DNAH6: variants seen among roughly 807,000 people sequenced by gnomAD.
DNAH6 encodes axonemal beta dynein heavy chain 6.
DNAH6 carries 340 observed loss-of-function variants against 491.4 expected under a neutral mutation model. The observed-to-expected ratio is 0.69, with a 90% CI of 0.63 to 0.76. DNAH6 has a LOEUF of 0.76. DNAH6 is among the 30% of genes least tolerant of loss of function. The pLI is 0.00. For missense variants in DNAH6, 4,443 were observed against 4,972.2 expected (o/e 0.89, Z 3.20); for synonymous variants, 1,603 against 1,686.1 (o/e 0.95, Z 1.21).
chr2:84,788,070 T>A (rs543502526), intron 68 of DNAH6, among the ~76,000 whole-genome samples: 12 of 152,028 alleles, frequency 7.9e-5, no homozygotes, highest in Admixed American at 2.0e-4. Context: ...CCTTAAAACA[T>A]GTTTGAGATG....
upstream of DNAH6, among the ~76,000 whole-genome samples, chr2:84,513,285 G>T (rs6547563): frequency 0.96 from 145,666 of 152,190 alleles, 69,745 homozygotes; most frequent in East Asian, 1. Context: ...ATGGTAACTC[G>T]GGAAATCAGA....
chr2:84,607,394 T>C (rs570697782), intron 21 of DNAH6, among the ~76,000 whole-genome samples: 2 of 152,194 alleles, frequency 1.3e-5, no homozygotes, highest in East Asian at 3.9e-4. Context: ...GCCACATGAA[T>C]TTTTTGGTTT....
intron 33 of DNAH6, among the ~76,000 whole-genome samples, chr2:84,651,832 A>G (rs891777463): frequency 6.6e-6 from 1 of 152,118 alleles, no homozygotes; most frequent in Admixed American, 6.6e-5. Flanking sequence ...CTTTCTGGAG[A>G]AATAAGTTGG....
At chr2:84,508,399 G>A in the DNAH6 span, among the ~76,000 whole-genome samples, 4 of 152,176 alleles carry the variant, frequency 2.6e-5, no homozygotes, top group African/African-American at 9.6e-5. Context: ...TATATCTGTG[G>A]GATTGGTGGT....
At chr2:84,506,394 G>T in the DNAH6 span, among the ~76,000 whole-genome samples, 1 of 152,082 alleles carries the variant, frequency 6.6e-6, no homozygotes, top group African/African-American at 2.4e-5. Context: ...CATATCCTTT[G>T]CCCACTTTTT....
At chr2:84,588,226 A>G (rs935525007) in intron 15 of DNAH6, among the ~76,000 whole-genome samples, 6 of 152,188 alleles carry the variant, frequency 3.9e-5, no homozygotes, top group Non-Finnish European at 8.8e-5. Flanking sequence ...ATGCTGACTA[A>G]GACTTGGACT....
intron 29 of DNAH6, among the ~76,000 whole-genome samples, chr2:84,633,902 A>G (rs1427204788): frequency 5.9e-5 from 9 of 152,272 alleles, no homozygotes; most frequent in African/African-American, 1.4e-4. Flanking sequence ...CACTAGTTCT[A>G]TTACTAAAGA....
At chr2:84,490,798 G>A in the DNAH6 span, among the ~76,000 whole-genome samples, 1 of 152,042 alleles carries the variant, frequency 6.6e-6, no homozygotes, top group Non-Finnish European at 1.5e-5. Context: ...CTAACCTCAA[G>A]TGATCCACCC....
At position 84,682,645 on chromosome 2, in the gene DNAH6, C is replaced by A. The variant is rs117060957; in HGVS notation, c.6916+1117C>A. Reference sequence around the variant, plus strand: ...CACCTTGGCCATGCATACCCCGGCCCCAGAGGAGACTACCATTAGTTGCTC... The same window carrying A: ...CACCTTGGCCATGCATACCCCGGCCACAGAGGAGACTACCATTAGTTGCTC... On this transcript the variant is annotated intron_variant, in intron 42 of 76. Transcript: ENST00000389394. Among the ~76,000 whole-genome samples, 96 of 152,280 alleles carry A rather than the reference C, an allele frequency of 6.3e-4. No homozygotes were observed. In the East Asian group the frequency reaches 0.017, roughly 27 times the overall value.
intron 54 of DNAH6, 129 bp downstream of exon 54, chr2:84,707,845 A>C (rs574140655): frequency 4.4e-6 from 3 of 689,176 alleles, no homozygotes; most frequent in South Asian, 4.4e-5. Flanking sequence ...ATTTCTTTAT[A>C]TATTTCACAG....
In DNAH6 at chr2:84,653,363, A is replaced by G. The variant is rs1217869209; in HGVS notation, c.5123A>G (p.His1708Arg). Residue 1708 changes from histidine (H) to arginine (R), a missense_variant, in exon 34 of 77, where the codon CAT becomes CGT. By Grantham distance (29) the His-to-Arg change is conservative. Around this residue, in one of 3 missense-constraint regions of DNAH6, gnomAD observed 2,977 missense variants for 3,296.6 expected, o/e 0.90. Coordinates refer to ENST00000389394, the MANE Select transcript of DNAH6 (RefSeq NM_001370.2). The part of the protein sequence containing the change: ...DLFPGVQIPE[H>R]DYGILQSTIV... ...TTTCCTGGAGTCCAAATTCCAGAAC[A>G]TGATTATGGTATTTTACAATCAACA... The G allele has an allele frequency of 7.8e-6, 12 of 1,546,326 alleles. No individual in the cohort carries two copies. The highest frequency in any genetic ancestry group is 1.0e-5 in the Non-Finnish European group (12 of 1,143,792).
At chr2:84,595,937 G>GTGCCACT in intron 18 of DNAH6, 148 bp downstream of exon 18, 2 of 876,816 alleles carry the variant, frequency 2.3e-6, no homozygotes, top group Non-Finnish European at 3.3e-6. Context: ...TTTTTGCAGT[G>GTGCCACT]GCACAGACTG....
At chr2:84,800,245 A>G (rs942878245) in intron 70 of DNAH6, among the ~76,000 whole-genome samples, 1 of 152,158 alleles carries the variant, frequency 6.6e-6, no homozygotes, top group Non-Finnish European at 1.5e-5. Context: ...AAAGAATAAA[A>G]TGTCAAAAAA....
Position 84,619,834 on chromosome 2 carries a change from G to A in DNAH6, c.3722G>A (p.Gly1241Asp), listed in dbSNP as rs1347062583. ...LMPPAEGKIP[G>D]IDGEPEKVYT... is the part of the protein sequence containing the mutation. ...CCTCCTGCCGAAGGAAAGATTCCTG[G>A]TATTGATGGAGAACCAGAAAAGGTT... is the stretch of plus-strand genomic sequence containing the variant. The change falls in exon 24 of 77, where the codon GGT becomes GAT. Residue 1241 changes from glycine to aspartate, a missense_variant. By Grantham distance (94) the Gly-to-Asp change is moderately conservative (BLOSUM62 -1). Around this residue, in one of 3 missense-constraint regions of DNAH6, gnomAD observed 2,977 missense variants for 3,296.6 expected, o/e 0.90. Transcript: ENST00000389394. 3 of 1,551,416 alleles carry A rather than the reference G, an allele frequency of 1.9e-6. No individual in the cohort carries two copies. Among genetic ancestry groups the A allele is most frequent in the Non-Finnish European group, 2.6e-6 (3 of 1,146,830 alleles).
intron 70 of DNAH6, among the ~76,000 whole-genome samples, chr2:84,805,166 A>G (rs1200916504): frequency 6.6e-6 from 1 of 152,258 alleles, no homozygotes; most frequent in Non-Finnish European, 1.5e-5. Context: ...CTCAACAAAA[A>G]AATTTTTAGT....
intron 75 of DNAH6, among the ~76,000 whole-genome samples, 169 bp downstream of exon 75, chr2:84,814,291 A>T (rs1441237959): frequency 6.6e-6 from 1 of 152,242 alleles, no homozygotes; most frequent in African/African-American, 2.4e-5. Flanking sequence ...CAATGACCAG[A>T]TGGGAACTGC....
intron 37 of DNAH6, among the ~76,000 whole-genome samples, chr2:84,666,868 C>T (rs926540276): frequency 1.3e-5 from 2 of 152,094 alleles, no homozygotes; most frequent in African/African-American, 2.4e-5. Context: ...GCTACAGTAA[C>T]CAAAACAGCA....
chr2:84,548,238 T>A, intron 7 of DNAH6, 50 bp from the exon 8 acceptor site: 2 of 1,534,306 alleles, frequency 1.3e-6, no homozygotes, highest in Non-Finnish European at 1.8e-6. Flanking sequence ...TTGAAAGAGA[T>A]GGAACTTTTA....
chr2:84,788,729 T>C (rs935624217), intron 68 of DNAH6, among the ~76,000 whole-genome samples: 16 of 152,170 alleles, frequency 1.1e-4, no homozygotes, highest in African/African-American at 3.9e-4. Context: ...ACCCATCCAC[T>C]GTTCCTTCCA....
Sources: allele counts gnomAD v4.1 joint callset (sites outside exome capture counted in the v4.1 genomes callset), GRCh38; gene constraint gnomAD v4.1.1; regional missense constraint gnomAD v4.1.1; transcripts MANE v1.5; gene names NCBI Gene and HGNC (gene_info 2026-07-23, HGNC 2026-07-21).